COL20A1: variants seen among roughly 807,000 people sequenced by gnomAD.
The protein encoded by COL20A1 is collagen type XX alpha 1 chain, also known as collagen alpha-1(XX) chain.
A neutral mutation model predicts 152.9 loss-of-function variants in COL20A1; 164 were observed. The observed-to-expected ratio is 1.07, with a 90% CI of 0.94 to 1.22. COL20A1 has a LOEUF of 1.22. Among genes scored for constraint, COL20A1 ranks in the 50% most tolerant of loss-of-function variants. The pLI is 0.00. For missense variants in COL20A1, 1,873 were observed against 1,744.8 expected, an observed-to-expected ratio of 1.07 and a Z score of -1.31; for synonymous variants, 864 against 756.0, an observed-to-expected ratio of 1.14 and a Z score of -2.34.
chr20:63,310,700 T>C (rs2067993617), intron 11 of COL20A1, among the ~76,000 whole-genome samples, 190 bp downstream of exon 11: 1 of 152,138 alleles, frequency 6.6e-6, no homozygotes, highest in African/African-American at 2.4e-5. Context: ...GGGTGTTCTC[T>C]TCTGAACACC....
chr20:63,314,090 A>G lies in COL20A1; in HGVS notation c.2377A>G (p.Arg793Gly). The stretch of plus-strand genomic sequence containing the variant: ...CTCCTAGGTCTCTGTGCCAGGAGCC[A>G]GGAGCCACGTGACACTGCCCGACCT... ...PEKSVSVPGA[R>G]SHVTLPDLQA... The change falls in exon 19 of 36, where the codon AGG becomes GGG. Residue 793 changes from arginine to glycine, a missense_variant. Physicochemically the swap from Arg to Gly is moderately radical, Grantham distance 125 (BLOSUM62 -2). Coordinates refer to ENST00000358894, the MANE Select transcript of COL20A1 (RefSeq NM_020882.4). The G allele has an allele frequency of 1.2e-6, 2 of 1,612,812 alleles. No homozygotes were observed. Among genetic ancestry groups the G allele is most frequent in the South Asian group, 1.1e-5 (1 of 91,040 alleles).
intron 1 of COL20A1, among the ~76,000 whole-genome samples, chr20:63,293,554 G>A (rs527604978): frequency 6.4e-4 from 98 of 152,288 alleles, no homozygotes; most frequent in Middle Eastern, 3.4e-3. Flanking sequence ...GGTGCACATC[G>A]AGCAGAGAGC....
At chr20:63,325,313 A>C in intron 27 of COL20A1, 128 bp from the exon 28 acceptor site, 1 of 755,964 alleles carries the variant, frequency 1.3e-6, no homozygotes, top group Non-Finnish European at 2.4e-6. Flanking sequence ...AAGGTCCTGG[A>C]GGCCAGCAGG....
In COL20A1 at chr20:63,297,997, T is replaced by C. The variant is rs2067820536; in HGVS notation, c.170T>C (p.Leu57Pro). 1 of 1,611,818 alleles carries C rather than the reference T, an allele frequency of 6.2e-7. No individual in the cohort carries two copies. ...TCGGAGGGGAGCGGCCTCGGCTACC[T>C]GGTGCAGGTGAAGCCCATGGCAGGT... ...RESEGSGLGY[L>P]VQVKPMAGDS... Residue 57 changes from leucine (L) to proline (P), a missense_variant, in exon 3 of 36, where the codon CTG (leucine) becomes CCG (proline). Coordinates refer to ENST00000358894, the MANE Select transcript of COL20A1 (RefSeq NM_020882.4).
intron 20 of COL20A1, among the ~76,000 whole-genome samples, chr20:63,315,715 A>G (rs906097945): frequency 3.3e-5 from 5 of 152,114 alleles, no homozygotes; most frequent in African/African-American, 1.2e-4. Flanking sequence ...GCCCCATTCC[A>G]GGGTCTCTGC....
rs1202397209 is a variant in COL20A1 at position 63,305,961 on chromosome 20, C to A, written c.418C>A (p.His140Asn). The A allele has an allele frequency of 2.5e-6, 4 of 1,612,770 alleles. No individual in the cohort carries two copies. Among genetic ancestry groups the A allele is most frequent in the Admixed American group, 1.7e-5 (1 of 59,990 alleles). Residue 140 changes from histidine (H) to asparagine (N), a missense_variant, in exon 5 of 36, where the codon CAC (histidine) becomes AAC (asparagine). By Grantham distance (68) the His-to-Asn change is moderately conservative (BLOSUM62 1). Coordinates refer to ENST00000358894, the MANE Select transcript of COL20A1 (RefSeq NM_020882.4). This position sits in a 1 kb window ranked among gnomAD's most constrained non-coding sequence, Gnocchi z 4.9. ...TGGAGCCCCGGAGCCCACCCCCTCC[C>A]ACACGGGGAGCCCAGACCCTGAGCA... ...GSGAPEPTPS[H>N]TGSPDPEQAS...
chr20:63,300,204 T>C (rs1224814625), intron 3 of COL20A1, among the ~76,000 whole-genome samples: 2 of 152,212 alleles, frequency 1.3e-5, no homozygotes, highest in Non-Finnish European at 2.9e-5. Context: ...TAAAGTTTGG[T>C]ATCAGCTTTA....
At position 63,313,619 on chromosome 20, in the gene COL20A1, T is replaced by C. The variant is rs2068045659; in HGVS notation, c.2210-124T>C. The C allele has an allele frequency of 1.1e-6, 1 of 909,504 alleles. No individual in the cohort carries two copies. Among genetic ancestry groups the C allele is most frequent in the Non-Finnish European group, 1.6e-6 (1 of 621,832 alleles). The allele number at this position is 909,504 out of a possible 1,614,324, so 56.3% of individuals were successfully genotyped here. Reference sequence around the variant, plus strand: ...GGGGTGATGCGGGCTGTGGTAGGGGTGTGGCATGATGTGGTGGAGGCATTA... The same window carrying C: ...GGGGTGATGCGGGCTGTGGTAGGGGCGTGGCATGATGTGGTGGAGGCATTA... On this transcript the variant is annotated intron_variant, in intron 17 of 35. Coordinates refer to ENST00000358894, the MANE Select transcript of COL20A1 (RefSeq NM_020882.4). The surrounding 1 kb of genome is among the most constrained non-coding windows in gnomAD (Gnocchi z 5.9).
intron 27 of COL20A1, among the ~76,000 whole-genome samples, chr20:63,323,113 A>C (rs1436503946): frequency 6.6e-6 from 1 of 152,262 alleles, no homozygotes; most frequent in Non-Finnish European, 1.5e-5. Context: ...CGTCTGATAG[A>C]TGAAAATGCA....
At chr20:63,309,615 G>T in intron 9 of COL20A1, 118 bp downstream of exon 9, 2 of 1,237,746 alleles carry the variant, frequency 1.6e-6, no homozygotes, top group Non-Finnish European at 2.2e-6. Flanking sequence ...GCTCTGAGGG[G>T]GTCTGCAGCA....
intron 27 of COL20A1, among the ~76,000 whole-genome samples, chr20:63,323,747 A>C (rs1043075635): frequency 1.6e-4 from 24 of 152,104 alleles, no homozygotes; most frequent in Non-Finnish European, 5.9e-5. Context: ...GTGCTGCTTA[A>C]ATTATTACAG....
In COL20A1 at chr20:63,325,329, C is replaced by G. The variant is rs1168251480; in HGVS notation, c.3295-112C>G. On this transcript the variant is annotated intron_variant, in intron 27 of 35. Coordinates refer to ENST00000358894, the MANE Select transcript of COL20A1 (RefSeq NM_020882.4). ...AGGTCCTGGAGGCCAGCAGGGCTCG[C>G]CGGGGACCCAGGGCCGTGCAGTCCA... 5 of 845,996 alleles carry G rather than the reference C, an allele frequency of 5.9e-6. No individual in the cohort carries two copies. In the South Asian group the frequency reaches 7.0e-5, roughly 12 times the overall value. The allele number at this position is 845,996 out of a possible 1,614,324, so 52.4% of individuals were successfully genotyped here. A position where few individuals can be genotyped will look rare whatever the true frequency, so the allele number is the denominator to read the frequency against.
chr20:63,309,470 C>T lies in COL20A1; in HGVS notation c.1078C>T (p.Gln360Ter). 1 of 1,533,474 alleles carries T rather than the reference C, an allele frequency of 6.5e-7. No homozygotes were observed. The highest frequency in any genetic ancestry group is 8.8e-7 in the Non-Finnish European group (1 of 1,136,936). The allele number at this position is 1,533,474 out of a possible 1,614,324, so 95.0% of individuals were successfully genotyped here. A position where few individuals can be genotyped will look rare whatever the true frequency, so the allele number is the denominator to read the frequency against. The change falls in exon 9 of 36, where the codon CAG (glutamine) becomes TAG (stop). Residue 360 changes from glutamine (Q) to a stop codon, truncating the protein, a stop_gained. Transcript: ENST00000358894. LOFTEE classifies it high-confidence loss of function. ...CAGCCGTCTCATCTGCCAGAGGCTC[C>T]AGGGTGGGAGCCCGCGGCAGGGCCC... ...LLSRLICQRLQGGSPRQGPAA... is the reference protein window; with the variant it reads ...LLSRLICQRL
At chr20:63,309,990 C>A in intron 10 of COL20A1, 75 bp downstream of exon 10, 1 of 1,345,852 alleles carries the variant, frequency 7.4e-7, no homozygotes, top group Non-Finnish European at 1.0e-6. Flanking sequence ...AAAGGGAGGG[C>A]AGGAATAAAG....
chr20:63,303,988 C>T (rs1481093482), intron 3 of COL20A1, among the ~76,000 whole-genome samples: 1 of 145,826 alleles, frequency 6.9e-6, no homozygotes, highest in African/African-American at 2.6e-5. Context: ...TGCAGGTGCG[C>T]AGGTGTGGGT....
chr20:63,294,942 G>T (rs945482098), intron 1 of COL20A1, 156 bp from the exon 2 acceptor site: 1 of 582,360 alleles, frequency 1.7e-6, no homozygotes, highest in Non-Finnish European at 3.1e-6. Context: ...CTAGACAACA[G>T]GTTGCAGGCC....
chr20:63,327,161 C>T (rs971608254), intron 31 of COL20A1: 1 of 257,610 alleles, frequency 3.9e-6, no homozygotes, highest in Non-Finnish European at 7.4e-6. Flanking sequence ...TGCCCAGGGA[C>T]TTGTGTTTAC....
Position 63,307,611 on chromosome 20 carries a change from C to G in COL20A1, c.618C>G (p.Ile206Met). ...TCAAGGACTTCCTGGCCAGTGTCATCGCACCCTTTGAAATCGGGCCGGATA... is the reference window on the plus strand; with the variant it reads ...TCAAGGACTTCCTGGCCAGTGTCATGGCACCCTTTGAAATCGGGCCGGATA... ...QQVKDFLASV[I>M]APFEIGPDKV... Residue 206 changes from isoleucine to methionine, a missense_variant, in exon 6 of 36, where the codon ATC (isoleucine) becomes ATG (methionine). By Grantham distance (10) the Ile-to-Met change is conservative (BLOSUM62 1). Coordinates refer to ENST00000358894, the MANE Select transcript of COL20A1 (RefSeq NM_020882.4). 6.2e-7 allele frequency: 1 copy of G among 1,612,592 alleles called. No homozygotes were observed. Among genetic ancestry groups the G allele is most frequent in the Non-Finnish European group, 8.5e-7 (1 of 1,179,710 alleles).
At chr20:63,310,271 C>A in intron 10 of COL20A1, 110 bp from the exon 11 acceptor site, 1 of 1,247,380 alleles carries the variant, frequency 8.0e-7, no homozygotes, top group Non-Finnish European at 1.1e-6. Context: ...GGAAGTGGGG[C>A]ACCCTGCGGG....
Sources: allele counts gnomAD v4.1 joint callset (sites outside exome capture counted in the v4.1 genomes callset), GRCh38; gene constraint gnomAD v4.1.1; non-coding constraint Gnocchi (gnomAD v3.1); transcripts MANE v1.5; gene names NCBI Gene and HGNC (gene_info 2026-07-23, HGNC 2026-07-21).